The following SAMSN1 variants were observed in gnomAD, a reference collection of about 807,000 sequenced individuals.
The protein encoded by SAMSN1 is SAM domain, SH3 domain and nuclear localization signals 1, also known as SAM domain-containing protein SAMSN-1.
SAMSN1 carries 31 observed loss-of-function variants against 42.0 expected under a neutral mutation model. The ratio of observed to expected loss-of-function variants is 0.74; its 90% CI spans 0.55 to 1.00. The LOEUF (loss-of-function observed/expected upper bound fraction) is 1.00, where lower values mean the gene tolerates loss of function less well. SAMSN1 is among the 50% of genes least tolerant of loss of function. SAMSN1 has a pLI of 0.00. For missense variants in SAMSN1, 464 were observed against 439.4 expected, an observed-to-expected ratio of 1.06 and a Z score of -0.50; for synonymous variants, 178 against 151.9, an observed-to-expected ratio of 1.17 and a Z score of -1.26.
intron 1 of SAMSN1, among the ~76,000 whole-genome samples, chr21:14,652,977 A>G (rs1983860213): frequency 6.6e-6 from 1 of 152,144 alleles, no homozygotes. Context: ...AATCAAAACT[A>G]CAATGAGATG....
At chr21:14,614,047 AG>A (rs1982772983) in intron 3 of SAMSN1, among the ~76,000 whole-genome samples, 1 of 152,148 alleles carries the variant, frequency 6.6e-6, no homozygotes, top group Admixed American at 6.5e-5. Context: ...AATCCAGCTG[AG>A]CTTTTTGGAT....
chr21:14,489,532 A>G (rs1452224480), intron 7 of SAMSN1, among the ~76,000 whole-genome samples: 2 of 152,188 alleles, frequency 1.3e-5, no homozygotes, highest in Non-Finnish European at 2.9e-5. Flanking sequence ...GTTTGTAAAT[A>G]TCTTAAAGGA....
chr21:14,552,833 TGA>T (rs894164219), intron 2 of SAMSN1, among the ~76,000 whole-genome samples: 3 of 152,142 alleles, frequency 2.0e-5, no homozygotes, highest in African/African-American at 7.2e-5. Context: ...CTTAATTTTG[TGA>T]TTTTGCTTGC....
chr21:14,519,200 A>G (rs981072449), intron 2 of SAMSN1, among the ~76,000 whole-genome samples: 1 of 152,208 alleles, frequency 6.6e-6, no homozygotes, highest in African/African-American at 2.4e-5. Flanking sequence ...TTGTTGCAAC[A>G]GTACTTCCTG....
intron 6 of SAMSN1, among the ~76,000 whole-genome samples, chr21:14,599,182 T>G (rs1366150302): frequency 3.3e-5 from 5 of 152,164 alleles, no homozygotes; most frequent in African/African-American, 1.2e-4. Context: ...TTTCATTGTG[T>G]CCTCACAAAA....
At chr21:14,581,769 G>T (rs564360803) in intron 2 of SAMSN1, among the ~76,000 whole-genome samples, 16 of 152,124 alleles carry the variant, frequency 1.1e-4, no homozygotes, top group East Asian at 3.9e-4. Context: ...AAAATGGCAG[G>T]CCCAAATAAA....
intron 2 of SAMSN1, among the ~76,000 whole-genome samples, chr21:14,576,070 T>C (rs1981451546): frequency 6.6e-6 from 1 of 152,160 alleles, no homozygotes; most frequent in African/African-American, 2.4e-5. Flanking sequence ...TCACTTTGTC[T>C]GCAGTAAAGA....
At chr21:14,523,405 A>C (rs1005033051) in intron 1 of SAMSN1, 1 of 152,244 alleles carries the variant, frequency 6.6e-6, no homozygotes, top group Admixed American at 6.5e-5. Flanking sequence ...CTGTGGTGAG[A>C]GGAGCAGAAA....
At chr21:14,560,136 G>A (rs1312389870) in intron 2 of SAMSN1, among the ~76,000 whole-genome samples, 1 of 152,154 alleles carries the variant, frequency 6.6e-6, no homozygotes, top group East Asian at 1.9e-4. Flanking sequence ...TGAAAGCATA[G>A]AGGGTAAATT....
chr21:14,626,155 A>C (rs1983164256), intron 2 of SAMSN1, among the ~76,000 whole-genome samples: 1 of 152,222 alleles, frequency 6.6e-6, no homozygotes, highest in Non-Finnish European at 1.5e-5. Context: ...CTTACATGTC[A>C]GACCTAAAAC....
chr21:14,532,067 G>A (rs940261210), intron 1 of SAMSN1, among the ~76,000 whole-genome samples: 4 of 152,144 alleles, frequency 2.6e-5, no homozygotes, highest in East Asian at 1.9e-4. Flanking sequence ...AATGGTCACC[G>A]CCAGCCCAGC....
chr21:14,636,322 A>C (rs1209429670), intron 2 of SAMSN1, among the ~76,000 whole-genome samples: 1 of 151,828 alleles, frequency 6.6e-6, no homozygotes, highest in African/African-American at 2.4e-5. Flanking sequence ...CCAAAAAGAC[A>C]CTCTTCTAAT....
intron 4 of SAMSN1, among the ~76,000 whole-genome samples, chr21:14,612,001 G>C (rs559584146): frequency 6.6e-6 from 1 of 152,218 alleles, no homozygotes; most frequent in South Asian, 2.1e-4. Context: ...TTGAGAGGTC[G>C]AGGCAGGCGG....
chr21:14,614,207 T>A (rs1982775817), intron 3 of SAMSN1, among the ~76,000 whole-genome samples: 1 of 152,156 alleles, frequency 6.6e-6, no homozygotes, highest in Non-Finnish European at 1.5e-5. Context: ...AAAAAATAAT[T>A]CTTATTTTTT....
At chr21:14,621,176 G>A (rs920137288) in intron 2 of SAMSN1, among the ~76,000 whole-genome samples, 2 of 152,176 alleles carry the variant, frequency 1.3e-5, no homozygotes, top group African/African-American at 4.8e-5. Context: ...TAATAGACAG[G>A]GTGGTTCCAA....
intron 2 of SAMSN1, among the ~76,000 whole-genome samples, chr21:14,573,227 T>G (rs1981356994): frequency 6.6e-6 from 1 of 152,194 alleles, no homozygotes; most frequent in South Asian, 2.1e-4. Context: ...GCACAGACCC[T>G]GATCTTCTGC....
Position 14,645,430 on chromosome 21 carries a change from G to A in SAMSN1, c.25-2297C>T, listed in dbSNP as rs184488142. 4.2e-3 allele frequency among the ~76,000 whole-genome samples: 645 copies of A among 152,380 alleles called. 5 individuals carry two copies. Among genetic ancestry groups the A allele is most frequent in the South Asian group, 0.016 (75 of 4,834 alleles). On this transcript the variant is annotated intron_variant, in intron 1 of 15. Coordinates refer to the SAMSN1 transcript ENST00000647101. ...GAAAACCATCAATGAGGTACTTTGA[G>A]TCTGCAAGAACCACAGTGCTACTGG...
chr21:14,505,365 TAAAG>T (rs754627069), intron 5 of SAMSN1, among the ~76,000 whole-genome samples: 1 of 152,084 alleles, frequency 6.6e-6, no homozygotes, highest in Non-Finnish European at 1.5e-5. Context: ...ATCTAACACA[TAAAG>T]ACTCACACAA....
intron 5 of SAMSN1, among the ~76,000 whole-genome samples, chr21:14,605,764 T>A (rs1428907289): frequency 1.3e-5 from 2 of 152,052 alleles, no homozygotes; most frequent in Non-Finnish European, 2.9e-5. Context: ...TCCCACTGGG[T>A]TCCTCCTTTT....
Sources: allele counts gnomAD v4.1 joint callset (sites outside exome capture counted in the v4.1 genomes callset), GRCh38; gene constraint gnomAD v4.1.1; transcripts MANE v1.5; gene names NCBI Gene and HGNC (gene_info 2026-07-23, HGNC 2026-07-21).